The following ZC3H13 variants were observed in gnomAD, a reference collection of about 807,000 sequenced individuals.
The protein encoded by ZC3H13 is zinc finger CCCH-type containing 13.
A neutral mutation model predicts 204.1 loss-of-function variants in ZC3H13; 64 were observed. That is an observed-to-expected ratio of 0.31 (90% CI 0.26 to 0.39). The LOEUF (loss-of-function observed/expected upper bound fraction) is 0.39, where lower values mean the gene tolerates loss of function less well. Among genes scored for constraint, ZC3H13 ranks in the 10% least tolerant of loss-of-function variants. The probability of loss-of-function intolerance (pLI) is 1.00; values close to 1 mark genes in which losing one functional copy is unlikely to be tolerated. For missense variants in ZC3H13, 1,833 were observed against 2,082.7 expected, an observed-to-expected ratio of 0.88 and a Z score of 2.33; for synonymous variants, 667 against 693.7, an observed-to-expected ratio of 0.96 and a Z score of 0.60.
At chr13:45,990,536 T>C (rs1383842075) in intron 8 of ZC3H13, among the ~76,000 whole-genome samples, 1 of 152,200 alleles carries the variant, frequency 6.6e-6, no homozygotes, top group African/African-American at 2.4e-5. Flanking sequence ...TAAAGCTTTA[T>C]ACTTTTAATA....
intron 18 of ZC3H13, among the ~76,000 whole-genome samples, chr13:45,957,782 C>CT (rs1397802172): frequency 6.6e-6 from 1 of 152,190 alleles, no homozygotes; most frequent in Non-Finnish European, 1.5e-5. Flanking sequence ...GCCAAACATT[C>CT]TATTCTATAC....
At chr13:46,017,603 G>T (rs2041989659) in intron 5 of ZC3H13, among the ~76,000 whole-genome samples, 1 of 151,970 alleles carries the variant, frequency 6.6e-6, no homozygotes, top group Non-Finnish European at 1.5e-5. Flanking sequence ...ATTTTCTCAG[G>T]TTCATAATAT....
chr13:46,051,504 T>C (rs1251698712), intron 1 of ZC3H13, among the ~76,000 whole-genome samples: 1 of 152,188 alleles, frequency 6.6e-6, no homozygotes, highest in Non-Finnish European at 1.5e-5. Context: ...TCCAATATAT[T>C]GTACTAAAGC....
chr13:46,034,067 T>C (rs577374983), intron 4 of ZC3H13, among the ~76,000 whole-genome samples: 1 of 152,238 alleles, frequency 6.6e-6, no homozygotes, highest in East Asian at 1.9e-4. Context: ...TATGAAAAGA[T>C]GTTCAACATC....
At chr13:46,007,360 C>T (rs918833210) in intron 7 of ZC3H13, among the ~76,000 whole-genome samples, 2 of 152,154 alleles carry the variant, frequency 1.3e-5, no homozygotes, top group African/African-American at 4.8e-5. Flanking sequence ...ACTCAATTTC[C>T]GTTTTTCTTT....
rs755259646 is a variant in ZC3H13, at chr13:45,963,986, C to G, written c.4531G>C (p.Glu1511Gln). ...AGTGCAGCCCCAGGCTCTCGTGGTT[C>G]TTTTGGATGCTTTGGCATAAGACCA... ...WSGLMPKHPK[E>Q]PREPGAALLK... The change falls in exon 17 of 19, where the codon GAA (glutamate) becomes CAA (glutamine). Residue 1511 changes from glutamate (E) to glutamine (Q), a missense_variant. Physicochemically the swap from Glu to Gln is conservative, Grantham distance 29. Around this residue, in one of 5 missense-constraint regions of ZC3H13, gnomAD observed 211 missense variants for 228.4 expected, o/e 0.92. Transcript: ENST00000679008. The G allele has an allele frequency of 2.5e-6, 4 of 1,614,102 alleles. No homozygotes were observed. In the South Asian group the frequency reaches 4.4e-5, roughly 18 times the overall value.
chr13:45,998,461 C>T lies in ZC3H13; in HGVS notation c.944+4678G>A, dbSNP rs182265329. On this transcript the variant is annotated intron_variant, in intron 8 of 18. Transcript: ENST00000679008. ...GAGATTGACACCATCCTGACTAACACAGTGAAACCCCATCTCTACTAAAAA... is the reference window on the plus strand; with the variant it reads ...GAGATTGACACCATCCTGACTAACATAGTGAAACCCCATCTCTACTAAAAA... Among the ~76,000 whole-genome samples, 784 of 151,798 alleles carry T rather than the reference C, an allele frequency of 5.2e-3. 2 individuals carry two copies. Among genetic ancestry groups the T allele is most frequent in the Middle Eastern group, 0.014 (4 of 292 alleles).
At chr13:46,029,248 C>A (rs1308169446) in intron 4 of ZC3H13, among the ~76,000 whole-genome samples, 2 of 152,006 alleles carry the variant, frequency 1.3e-5, no homozygotes, top group Non-Finnish European at 2.9e-5. Context: ...AAAACTCACA[C>A]AAGGAGAAAC....
intron 15 of ZC3H13, among the ~76,000 whole-genome samples, chr13:45,965,715 A>G (rs1269598952): frequency 6.6e-6 from 1 of 152,158 alleles, no homozygotes; most frequent in Non-Finnish European, 1.5e-5. Flanking sequence ...AAAAGCTACT[A>G]CTAACATACT....
chr13:46,000,567 C>G (rs1343262478), intron 8 of ZC3H13, among the ~76,000 whole-genome samples: 1 of 152,242 alleles, frequency 6.6e-6, no homozygotes. Context: ...AGATTAGACT[C>G]TGGCTTAAAG....
chr13:45,970,119 T>C, intron 13 of ZC3H13, 148 bp from the exon 14 acceptor site: 1 of 1,072,202 alleles, frequency 9.3e-7, no homozygotes, highest in Non-Finnish European at 1.3e-6. Context: ...GAGATCAAGA[T>C]CATTTAAAAA....
chr13:45,972,598 C>T (rs531127976), intron 12 of ZC3H13, among the ~76,000 whole-genome samples: 1 of 152,280 alleles, frequency 6.6e-6, no homozygotes, highest in East Asian at 1.9e-4. Flanking sequence ...AAAACAAAAA[C>T]ATACCAGCAC....
rs1348533894 is a variant in ZC3H13, at chr13:45,969,825, C to T, written c.2719G>A (p.Glu907Lys). 9 of 1,613,906 alleles carry T rather than the reference C, an allele frequency of 5.6e-6. No homozygotes were observed. The highest frequency in any genetic ancestry group is 7.6e-6 in the Non-Finnish European group (9 of 1,180,016). ...GAAACTTTCTCCTTGAGTTCCTGTTCTTCGTAGCGCCTTGAACTCTCTTTC... is the reference window on the plus strand; with the variant it reads ...GAAACTTTCTCCTTGAGTTCCTGTTTTTCGTAGCGCCTTGAACTCTCTTTC... Reference protein sequence around the residue: ...ERKESSRRYEEQELKEKVSSV... With the variant: ...ERKESSRRYEKQELKEKVSSV... Residue 907 changes from glutamate to lysine, a missense_variant, in exon 14 of 19, where the codon GAA (glutamate) becomes AAA (lysine). Coordinates refer to ENST00000679008, the MANE Select transcript of ZC3H13 (RefSeq NM_001330564.2).
At chr13:45,987,749 A>G (rs1343481635) in intron 9 of ZC3H13, among the ~76,000 whole-genome samples, 1 of 152,226 alleles carries the variant, frequency 6.6e-6, no homozygotes, top group Non-Finnish European at 1.5e-5. Context: ...TTAAATATAA[A>G]TGTTGTTCCA....
chr13:46,021,457 T>C (rs546384783), intron 4 of ZC3H13, among the ~76,000 whole-genome samples: 1 of 152,088 alleles, frequency 6.6e-6, no homozygotes, highest in African/African-American at 2.4e-5. Context: ...GAAAGACACT[T>C]ACACACAAGG....
intron 15 of ZC3H13, among the ~76,000 whole-genome samples, chr13:45,966,865 G>A (rs1210129961): frequency 6.6e-6 from 1 of 152,168 alleles, no homozygotes; most frequent in Non-Finnish European, 1.5e-5. Context: ...AATGGTATGA[G>A]TGGGTACAAA....
At position 45,967,702 on chromosome 13, in the gene ZC3H13, T is replaced by C. The variant is rs1952211168; in HGVS notation, c.4123A>G (p.Arg1375Gly). 1.9e-6 allele frequency: 3 copies of C among 1,613,996 alleles called. No homozygotes were observed. Among genetic ancestry groups the C allele is most frequent in the African/African-American group, 1.3e-5 (1 of 74,944 alleles). The change falls in exon 15 of 19, where the codon AGA becomes GGA. Residue 1375 changes from arginine (R) to glycine (G), a missense_variant. Physicochemically the swap from Arg to Gly is moderately radical, Grantham distance 125. Around this residue, in one of 5 missense-constraint regions of ZC3H13, gnomAD observed 1,574 missense variants for 1,757.2 expected, o/e 0.90. Transcript: ENST00000679008. ...TGAGAACTCTCAAAAGTTCTGTCTC[T>C]GTCTCTGTCCCTGTCCCTTTCAACA... ...DSVERDRDRD[R>G]DRTFESSQIE... is the part of the protein sequence containing the mutation.
At chr13:45,964,444 C>T (rs1951922740) in intron 16 of ZC3H13, among the ~76,000 whole-genome samples, 1 of 152,170 alleles carries the variant, frequency 6.6e-6, no homozygotes, top group Admixed American at 6.5e-5. Context: ...TTTTTAAAAA[C>T]AACTATTTCA....
In ZC3H13 at chr13:46,009,661, T is replaced by C. The variant is rs914010057; in HGVS notation, c.746+687A>G. Among the ~76,000 whole-genome samples, 5 of 152,230 alleles carry C rather than the reference T, an allele frequency of 3.3e-5. No homozygotes were observed. In the East Asian group the frequency reaches 9.6e-4, roughly 29 times the overall value. On this transcript the variant is annotated intron_variant, in intron 7 of 18. Coordinates refer to ENST00000679008, the MANE Select transcript of ZC3H13 (RefSeq NM_001330564.2). ...GACTTTAATTAAAATAAAATATAAA[T>C]AGTTCAGAGTGACCTTAAATGAAAA...
Sources: gnomAD v4.1 joint callset for allele counts (sites outside exome capture counted in the v4.1 genomes callset) on GRCh38, gnomAD v4.1.1 for gene constraint, gnomAD v4.1.1 regional missense constraint, MANE v1.5 for transcripts, NCBI Gene and HGNC (gene_info 2026-07-23, HGNC 2026-07-21) for gene names.